C10orf90: variants seen among roughly 807,000 people sequenced by gnomAD.
C10orf90 encodes chromosome 10 open reading frame 90.
Under a neutral mutation model 62.5 loss-of-function variants are expected in C10orf90, and 56 were observed. The ratio of observed to expected loss-of-function variants is 0.90; its 90% CI spans 0.72 to 1.12. The LOEUF (loss-of-function observed/expected upper bound fraction) is 1.12. Among genes scored for constraint, C10orf90 ranks in the 50% most tolerant of loss-of-function variants. C10orf90 has a pLI of 0.00. For missense variants in C10orf90, 970 were observed against 880.4 expected (o/e 1.10, Z -1.29); for synonymous variants, 386 against 340.4 (o/e 1.13, Z -1.47).
At position 126,464,863 on chromosome 10, in the gene C10orf90, G is replaced by C. The variant is rs138712008; in HGVS notation, c.1658C>G (p.Pro553Arg). 2.3e-4 allele frequency: 374 copies of C among 1,613,944 alleles called. No homozygotes were observed. Among genetic ancestry groups the C allele is most frequent in the Non-Finnish European group, 3.1e-4 (368 of 1,179,942 alleles). Reference sequence around the variant, plus strand: ...GTCTCTAGACAGACAGTCATCGCTTGGAGAGCTATCCCCAATGGGAAGGAA... The same window carrying C: ...GTCTCTAGACAGACAGTCATCGCTTCGAGAGCTATCCCCAATGGGAAGGAA... Reference protein sequence around the residue: ...RHFLPIGDSSPSDDCLSRDLS... With the variant: ...RHFLPIGDSSRSDDCLSRDLS... Residue 553 changes from proline to arginine, a missense_variant, in exon 5 of 10, where the codon CCA becomes CGA. Physicochemically the swap from Pro to Arg is moderately radical, Grantham distance 103. Coordinates refer to ENST00000488181, the MANE Select transcript of C10orf90 (RefSeq NM_001350921.2).
chr10:126,593,978 A>AATGAAC (rs1450720971), intron 2 of C10orf90, among the ~76,000 whole-genome samples: 8 of 152,110 alleles, frequency 5.3e-5, no homozygotes, highest in Admixed American at 5.2e-4. Flanking sequence ...GGAAAGAAAA[A>AATGAAC]ATGAACACCT....
rs1166122425 is a variant in C10orf90, at chr10:126,456,540, C to A, written c.2188+2500G>T. On this transcript the variant is annotated intron_variant, in intron 7 of 9. Coordinates refer to ENST00000488181, the MANE Select transcript of C10orf90 (RefSeq NM_001350921.2). The surrounding 1 kb of genome is among the most constrained non-coding windows in gnomAD (Gnocchi z 4.9). ...TAAGGATATTTGTTTCGGGCAAACA[C>A]CACAGTTGAATGATATAATGAGTGT... Among the ~76,000 whole-genome samples, 6 of 152,110 alleles carry A rather than the reference C, an allele frequency of 3.9e-5. No individual in the cohort carries two copies. The highest frequency in any genetic ancestry group is 1.2e-4 in the African/African-American group (5 of 41,390).
At chr10:126,517,595 T>C (rs1273779001) in intron 2 of C10orf90, among the ~76,000 whole-genome samples, 4 of 152,214 alleles carry the variant, frequency 2.6e-5, no homozygotes, top group East Asian at 3.9e-4. Flanking sequence ...CGTTGAAGCA[T>C]GGCCCAGGAT....
At chr10:126,442,229 G>A (rs956263943) in intron 7 of C10orf90, among the ~76,000 whole-genome samples, 4 of 151,240 alleles carry the variant, frequency 2.6e-5, no homozygotes, top group African/African-American at 9.7e-5. Flanking sequence ...CATGCAAATG[G>A]ACACCAAAAG....
chr10:126,614,864 C>T (rs751650429), intron 2 of C10orf90, among the ~76,000 whole-genome samples: 33 of 152,248 alleles, frequency 2.2e-4, no homozygotes, highest in Non-Finnish European at 4.3e-4. Context: ...TTCTCTATGC[C>T]GCTATTGGGT....
In C10orf90 at chr10:126,473,788, A is replaced by G. The variant is rs184095605; in HGVS notation, c.1535-8802T>C. ...CAGATGCGTGGTAGCATAGAGCACA[A>G]TCACATGGCATGTTTGTTAAAACTT... On this transcript the variant is annotated intron_variant, in intron 4 of 9. Transcript: ENST00000488181. 9.2e-5 allele frequency among the ~76,000 whole-genome samples: 14 copies of G among 152,220 alleles called. No homozygotes were observed. The East Asian group carries it at 2.1e-3, about 23-fold the overall frequency.
chr10:126,505,885 C>T lies in C10orf90; in HGVS notation c.406-800G>A, dbSNP rs932497153. Among the ~76,000 whole-genome samples, 5 of 152,286 alleles carry T rather than the reference C, an allele frequency of 3.3e-5. No individual in the cohort carries two copies. The South Asian group carries it at 6.2e-4, about 19-fold the overall frequency. ...AGGAGAATCGCTTGAACTCAGGAGG[C>T]GGAAGTTGTGGTGAGCCAAGATTGT... On this transcript the variant is annotated intron_variant, in intron 3 of 9. Coordinates refer to ENST00000488181, the MANE Select transcript of C10orf90 (RefSeq NM_001350921.2).
At chr10:126,630,388 G>A (rs1845828831) in intron 2 of C10orf90, among the ~76,000 whole-genome samples, 1 of 152,156 alleles carries the variant, frequency 6.6e-6, no homozygotes, top group South Asian at 2.1e-4. Context: ...AAGGGAGGAG[G>A]GAGAGGTGAC....
intron 2 of C10orf90, among the ~76,000 whole-genome samples, chr10:126,558,490 T>C (rs1331813788): frequency 6.6e-6 from 1 of 152,228 alleles, no homozygotes; most frequent in Non-Finnish European, 1.5e-5. Context: ...AGGCGGGCTG[T>C]GCACCCCCTC....
intron 4 of C10orf90, among the ~76,000 whole-genome samples, chr10:126,491,327 A>C (rs1217492844): frequency 6.6e-6 from 1 of 152,230 alleles, no homozygotes; most frequent in Non-Finnish European, 1.5e-5. Flanking sequence ...GGAAGATTGA[A>C]TGCAAAAAGA....
At chr10:126,480,831 T>C (rs1438618156) in intron 4 of C10orf90, among the ~76,000 whole-genome samples, 3 of 152,228 alleles carry the variant, frequency 2.0e-5, no homozygotes, top group Non-Finnish European at 4.4e-5. Context: ...TGGACTCTCT[T>C]GCTTTGTTGA....
rs1455993290 is a variant in C10orf90, at chr10:126,496,705, G to A, written c.1534+7252C>T. ...CGCTCCTCACCCTTTCCTTGCCAGA[G>A]AGGTTTTGAATATGGGGATGGGGAA... On this transcript the variant is annotated intron_variant, in intron 4 of 9. Coordinates refer to ENST00000488181, the MANE Select transcript of C10orf90 (RefSeq NM_001350921.2). The A allele has an allele frequency of 3.0e-6, 3 of 985,242 alleles. No homozygotes were observed. In the East Asian group the frequency reaches 3.4e-4, roughly 112 times the overall value. The allele number at this position is 985,242 out of a possible 1,614,324, so 61.0% of individuals were successfully genotyped here. A position where few individuals can be genotyped will look rare whatever the true frequency, so the allele number is the denominator to read the frequency against.
intron 2 of C10orf90, among the ~76,000 whole-genome samples, chr10:126,590,096 CA>C (rs147577230): frequency 0.018 from 2,729 of 152,142 alleles, 67 homozygotes; most frequent in African/African-American, 0.061. Context: ...AAAAGACAAA[CA>C]AGGGCGTTAC....
chr10:126,664,004 C>T (rs891175743), intron 1 of C10orf90, among the ~76,000 whole-genome samples: 12 of 152,110 alleles, frequency 7.9e-5, no homozygotes, highest in Admixed American at 5.9e-4. Flanking sequence ...CTAGCTTTAT[C>T]GTGAGGGAAT....
rs74158853 is a variant in C10orf90 at position 126,637,714 on chromosome 10, T to C, written c.313+8851A>G. On this transcript the variant is annotated intron_variant, in intron 2 of 9. Coordinates refer to ENST00000488181, the MANE Select transcript of C10orf90 (RefSeq NM_001350921.2). ...GGATCCCAAAGCAGTAGGCACATGG[T>C]GGCAGAGGGTGGGACAGAGTGGGAA... Among the ~76,000 whole-genome samples the C allele has an allele frequency of 3.6e-3, 543 of 152,216 alleles. 4 individuals carry two copies. Among genetic ancestry groups the C allele is most frequent in the African/African-American group, 0.013 (531 of 41,534 alleles).
intron 2 of C10orf90, among the ~76,000 whole-genome samples, chr10:126,619,928 T>C (rs1845614429): frequency 6.6e-6 from 1 of 152,196 alleles, no homozygotes; most frequent in Non-Finnish European, 1.5e-5. Flanking sequence ...CCACTGCACC[T>C]AGTCATTTTT....
chr10:126,493,958 G>T (rs1202538160), intron 4 of C10orf90, among the ~76,000 whole-genome samples: 4 of 152,168 alleles, frequency 2.6e-5, no homozygotes, highest in Admixed American at 6.5e-5. Context: ...CGCTGGCTGG[G>T]GTCTGATGCT....
intron 1 of C10orf90, among the ~76,000 whole-genome samples, chr10:126,648,795 G>C (rs967321490): frequency 1.1e-4 from 16 of 152,124 alleles, no homozygotes; most frequent in Admixed American, 6.6e-4. Context: ...TTCTCTCCTG[G>C]GTTGTTGTCT....
chr10:126,524,751 G>A lies in C10orf90; in HGVS notation c.314-10812C>T, dbSNP rs145437582. On this transcript the variant is annotated intron_variant, in intron 2 of 9. Transcript: ENST00000488181. ...TGCACGCACCTGTATGGCCCCTAGG[G>A]TGCCATCTAGCTCTGCCATGAGGGC... The A allele has an allele frequency of 1.1e-3, 1,126 of 985,510 alleles. 7 individuals are homozygous for A. In the African/African-American group the frequency reaches 0.018, roughly 16 times the overall value. 61.0% of individuals were successfully genotyped at this position (985,510 alleles called of 1,614,324 possible).
Sources: allele counts gnomAD v4.1 joint callset (sites outside exome capture counted in the v4.1 genomes callset), GRCh38; gene constraint gnomAD v4.1.1; non-coding constraint Gnocchi (gnomAD v3.1); transcripts MANE v1.5; gene names NCBI Gene and HGNC (gene_info 2026-07-23, HGNC 2026-07-21).